The following PTK2 variants were observed in gnomAD, a reference collection of about 807,000 sequenced individuals.
PTK2 encodes the protein protein tyrosine kinase 2.
PTK2 carries 45 observed loss-of-function variants against 150.1 expected under a neutral mutation model. That is an observed-to-expected ratio of 0.30 (90% CI 0.24 to 0.38). The LOEUF (loss-of-function observed/expected upper bound fraction) is 0.38. PTK2 is among the 10% of genes least tolerant of loss of function. The probability of loss-of-function intolerance (pLI) is 1.00; values close to 1 mark genes in which losing one functional copy is unlikely to be tolerated. For synonymous variants in PTK2, 432 were observed against 449.2 expected (o/e 0.96, Z 0.48); for missense variants, 919 against 1,307.3 (o/e 0.70, Z 4.58).
intron 4 of PTK2, among the ~76,000 whole-genome samples, chr8:140,871,183 C>T (rs146706166): frequency 6.6e-6 from 1 of 152,280 alleles, no homozygotes; most frequent in East Asian, 1.9e-4. Context: ...GGAGTGGATG[C>T]ACTGCTCATA....
At chr8:140,862,781 T>A (rs2100137001) in intron 5 of PTK2, among the ~76,000 whole-genome samples, 1 of 152,164 alleles carries the variant, frequency 6.6e-6, no homozygotes, top group African/African-American at 2.4e-5. Context: ...TATGAGAACC[T>A]AAGGCCTGAT....
At chr8:140,804,773 C>G (rs2100097360) in intron 10 of PTK2, among the ~76,000 whole-genome samples, 1 of 152,220 alleles carries the variant, frequency 6.6e-6, no homozygotes, top group Non-Finnish European at 1.5e-5. Context: ...AGCAAAGCAT[C>G]TTCCTGCGCC....
intron 10 of PTK2, among the ~76,000 whole-genome samples, chr8:140,814,446 A>G (rs563684124): frequency 1.8e-4 from 28 of 152,310 alleles, no homozygotes; most frequent in African/African-American, 6.5e-4. Context: ...GCACATCAAA[A>G]AGCTAATCCA....
At position 140,891,407 on chromosome 8, in the gene PTK2, T is replaced by C. The variant is rs568323401; in HGVS notation, c.-32-638A>G. 3.9e-5 allele frequency among the ~76,000 whole-genome samples: 6 copies of C among 152,108 alleles called. No individual in the cohort carries two copies. The East Asian group carries it at 9.7e-4, about 25-fold the overall frequency. On this transcript the variant is annotated intron_variant, in intron 2 of 31. Transcript: ENST00000522684. The stretch of plus-strand genomic sequence containing the variant: ...TAGCCTGCACAAGCCTAAACACCCA[T>C]CGAGAAACATGAAAATCCAGATTAA...
chr8:140,853,601 T>G (rs375683673), intron 5 of PTK2, among the ~76,000 whole-genome samples: 1 of 152,110 alleles, frequency 6.6e-6, no homozygotes, highest in Non-Finnish European at 1.5e-5. Context: ...TGATGGACAT[T>G]TGGGTTGGTT....
intron 16 of PTK2, among the ~76,000 whole-genome samples, chr8:140,758,515 T>A (rs529688213): frequency 8.5e-5 from 13 of 152,296 alleles, no homozygotes; most frequent in Admixed American, 2.0e-4. Flanking sequence ...TCCATGCACA[T>A]TACTGCCTCT....
rs1253304187 is a variant in PTK2, at chr8:140,912,434, G to A, written c.-33+13227C>T. Among the ~76,000 whole-genome samples the A allele has an allele frequency of 2.0e-5, 3 of 151,868 alleles. No individual in the cohort carries two copies. In the East Asian group the frequency reaches 5.8e-4, roughly 29 times the overall value. The stretch of plus-strand genomic sequence containing the variant: ...TCTTGAGCCCAGGAGCTTGAGATCA[G>A]CCTGGGCAACGTATTAACAGCAAGA... On this transcript the variant is annotated intron_variant, in intron 2 of 31. Coordinates refer to ENST00000522684, the Ensembl canonical transcript of PTK2.
intron 23 of PTK2, among the ~76,000 whole-genome samples, chr8:140,714,102 G>A (rs772768544): frequency 6.6e-5 from 10 of 151,952 alleles, no homozygotes; most frequent in Non-Finnish European, 1.0e-4. Flanking sequence ...TGCCCAGGCC[G>A]GTCTCCAATT....
chr8:140,764,481 C>T (rs536887047), intron 14 of PTK2, 191 bp from the exon 17 acceptor site: 20 of 577,676 alleles, frequency 3.5e-5, no homozygotes, highest in Non-Finnish European at 4.6e-5. Context: ...TTGTCCAATA[C>T]GTTATAATAC....
chr8:140,871,822 C>T (rs556600099), intron 4 of PTK2, among the ~76,000 whole-genome samples: 2 of 152,072 alleles, frequency 1.3e-5, no homozygotes, highest in East Asian at 1.9e-4. Flanking sequence ...AAGGCTACAG[C>T]GAGCTATGAT....
intron 20 of PTK2, among the ~76,000 whole-genome samples, chr8:140,740,384 A>ACAG (rs1252701435): frequency 6.6e-6 from 1 of 152,162 alleles, no homozygotes; most frequent in African/African-American, 2.4e-5. Context: ...GGGCACAGGA[A>ACAG]CAGCACCCTG....
At chr8:140,768,828 C>T (rs1026566046) in intron 14 of PTK2, among the ~76,000 whole-genome samples, 5 of 152,156 alleles carry the variant, frequency 3.3e-5, no homozygotes, top group South Asian at 2.1e-4. Context: ...AGACCTTTTA[C>T]TGAAACTGCT....
At chr8:140,833,497 T>G (rs1019328085) in intron 7 of PTK2, among the ~76,000 whole-genome samples, 7 of 152,234 alleles carry the variant, frequency 4.6e-5, no homozygotes, top group African/African-American at 2.4e-5. Flanking sequence ...TTTAAAGCCT[T>G]AGGAAACCAA....
At chr8:140,951,624 T>C (rs962837819) in intron 1 of PTK2, among the ~76,000 whole-genome samples, 3 of 152,208 alleles carry the variant, frequency 2.0e-5, no homozygotes, top group African/African-American at 7.2e-5. Context: ...GGCTTATGCC[T>C]ATAATCCCAG....
chr8:140,985,063 T>A (rs1396761561), intron 1 of PTK2, among the ~76,000 whole-genome samples: 2 of 152,206 alleles, frequency 1.3e-5, no homozygotes, highest in African/African-American at 2.4e-5. Flanking sequence ...TATTACCAGT[T>A]AATAGGAAAT....
At chr8:140,820,577 TTC>T in intron 8 of PTK2, 1 of 96,526 alleles carries the variant, frequency 1.0e-5, no homozygotes, top group Non-Finnish European at 1.8e-5. Context: ...CCTTTCTTTC[TTC>T]TTCTTTTTTT....
intron 8 of PTK2, 59 bp downstream of exon 8, chr8:140,830,413 G>C: frequency 1.8e-6 from 2 of 1,134,160 alleles, no homozygotes; most frequent in Non-Finnish European, 1.3e-6. Flanking sequence ...ATTTACCACT[G>C]GGGAAAAGGT....
chr8:140,970,951 T>C (rs1203657855), intron 1 of PTK2, among the ~76,000 whole-genome samples: 1 of 151,212 alleles, frequency 6.6e-6, no homozygotes, highest in African/African-American at 2.4e-5. Flanking sequence ...ATAAGAACAG[T>C]TGCTCAAAGA....
At chr8:140,697,071 C>A (rs761875959) in intron 26 of PTK2, among the ~76,000 whole-genome samples, 2 of 130,554 alleles carry the variant, frequency 1.5e-5, no homozygotes, top group South Asian at 2.6e-4. Flanking sequence ...GAGGTCAAGG[C>A]TGGAGTGAGC....
Sources: allele counts gnomAD v4.1 joint callset (sites outside exome capture counted in the v4.1 genomes callset), GRCh38; gene constraint gnomAD v4.1.1; transcripts MANE v1.5; gene names NCBI Gene and HGNC (gene_info 2026-07-23, HGNC 2026-07-21).